The following CREBL2 variants were observed in gnomAD, a reference collection of about 807,000 sequenced individuals.
The protein encoded by CREBL2 is cAMP responsive element binding protein like 2, also known as cAMP-responsive element-binding protein-like 2.
CREBL2 carries 4 observed loss-of-function variants against 19.5 expected under a neutral mutation model. That is an observed-to-expected ratio of 0.20 (90% confidence interval 0.10 to 0.47). CREBL2 has a LOEUF of 0.47. Ranked by LOEUF, CREBL2 falls within the 20% of genes least tolerant of loss-of-function variation. The pLI is 0.98. For missense variants in CREBL2, 85 were observed against 145.1 expected (o/e 0.59, Z 2.13); for synonymous variants, 42 against 46.6 (o/e 0.90, Z 0.40).
intron 1 of CREBL2, among the ~76,000 whole-genome samples, chr12:12,625,433 C>T (rs1476469189): frequency 1.3e-5 from 2 of 152,234 alleles, no homozygotes; most frequent in African/African-American, 2.4e-5. Context: ...CACCCCTTAA[C>T]TGAGTGCCTA....
intron 1 of CREBL2, among the ~76,000 whole-genome samples, chr12:12,629,848 G>T (rs570533005): frequency 3.0e-4 from 46 of 151,944 alleles, no homozygotes; most frequent in African/African-American, 8.7e-4. Context: ...TCCTTTTTTT[G>T]TGTGTGTGTG....
intron 3 of CREBL2, among the ~76,000 whole-genome samples, chr12:12,641,253 A>ATTATTTTTTTTTT (rs1478394376): frequency 2.6e-5 from 2 of 78,262 alleles, no homozygotes; most frequent in African/African-American, 4.8e-5. Context: ...TATTATTATT[A>ATTATTTTTTTTTT]TTTTTTTTTA....
At position 12,642,860 on chromosome 12, in the gene CREBL2, T is replaced by C. The variant is rs1329536712; in HGVS notation, c.*862T>C. The stretch of plus-strand genomic sequence containing the variant: ...GTATGTTTCTTATTGTATGTCTATA[T>C]ATGTATGTGGGGAGGACAGGAGTGA... On this transcript the variant is annotated 3_prime_UTR_variant, in exon 4 of 4. Transcript: ENST00000228865. 1 of 152,666 alleles carries C rather than the reference T, an allele frequency of 6.6e-6. No individual in the cohort carries two copies. Among genetic ancestry groups the C allele is most frequent in the Non-Finnish European group, 1.5e-5 (1 of 68,034 alleles). The allele number at this position is 152,666 out of a possible 1,614,324, so 9.5% of individuals were successfully genotyped here. A position where few individuals can be genotyped will look rare whatever the true frequency, so the allele number is the denominator to read the frequency against.
chr12:12,620,242 C>CTTTT (rs67066272), intron 1 of CREBL2, among the ~76,000 whole-genome samples: 1 of 148,128 alleles, frequency 6.8e-6, no homozygotes, highest in African/African-American at 2.5e-5. Flanking sequence ...TTTTCTTTTT[C>CTTTT]TTTTTTTTTT....
At chr12:12,626,876 A>G (rs997327625) in intron 1 of CREBL2, among the ~76,000 whole-genome samples, 3 of 150,780 alleles carry the variant, frequency 2.0e-5, no homozygotes, top group African/African-American at 7.3e-5. Context: ...TTTCTTAAAA[A>G]AAAAAAGAAA....
rs536743749 is a variant in CREBL2, at chr12:12,636,459, C to T, written c.213+485C>T. Among the ~76,000 whole-genome samples the T allele has an allele frequency of 5.3e-5, 8 of 152,030 alleles. No individual in the cohort carries two copies. The Middle Eastern group carries it at 0.01, about 194-fold the overall frequency. On this transcript the variant is annotated intron_variant, in intron 2 of 3. Coordinates refer to ENST00000228865, the MANE Select transcript of CREBL2 (RefSeq NM_001310.4). ...TTTTTGAGATAGAGTCTTGCTCTGTCGCCCAGGCTGGAGTGCAGGGCGCGA... is the reference window on the plus strand; with the variant it reads ...TTTTTGAGATAGAGTCTTGCTCTGTTGCCCAGGCTGGAGTGCAGGGCGCGA...
At chr12:12,630,987 A>G (rs577057076) in intron 1 of CREBL2, among the ~76,000 whole-genome samples, 2 of 152,350 alleles carry the variant, frequency 1.3e-5, no homozygotes, top group East Asian at 3.9e-4. Flanking sequence ...TAAGAATTAT[A>G]TGACACAGTT....
rs1053054080 is a variant in CREBL2 at position 12,612,063 on chromosome 12, CA to C, written c.-109del. Reference sequence around the variant, plus strand: ...CGAACTGTTAGGCGAGAGGAGGAGGCAGCCAGAACCATATCCCCTTCTTCCT... The same window carrying C: ...CGAACTGTTAGGCGAGAGGAGGAGGCGCCAGAACCATATCCCCTTCTTCCT... On this transcript the variant is annotated 5_prime_UTR_variant, in exon 1 of 4. Transcript: ENST00000228865. 9.7e-6 allele frequency: 13 copies of C among 1,335,634 alleles called. 1 individual carries two copies. The African/African-American group carries it at 1.6e-4, about 16-fold the overall frequency. 82.7% of individuals were successfully genotyped at this position (1,335,634 alleles called of 1,614,324 possible). A position where few individuals can be genotyped will look rare whatever the true frequency, so the allele number is the denominator to read the frequency against.
chr12:12,616,673 G>T (rs550393862), intron 1 of CREBL2, among the ~76,000 whole-genome samples: 1 of 152,154 alleles, frequency 6.6e-6, no homozygotes, highest in African/African-American at 2.4e-5. Context: ...CCAGCCCTGC[G>T]TTTTCTGTGC....
At chr12:12,635,489 T>G (rs1455065171) in intron 1 of CREBL2, among the ~76,000 whole-genome samples, 3 of 152,128 alleles carry the variant, frequency 2.0e-5, no homozygotes, top group Non-Finnish European at 4.4e-5. Flanking sequence ...AAAGTTTTTA[T>G]TATCTCCATA....
intron 1 of CREBL2, among the ~76,000 whole-genome samples, chr12:12,618,578 C>T (rs1001317868): frequency 9.9e-5 from 15 of 152,078 alleles, no homozygotes; most frequent in African/African-American, 3.4e-4. Flanking sequence ...CTCCTCACAT[C>T]CCAGACGATG....
At chr12:12,634,060 T>A (rs1343461985) in intron 1 of CREBL2, among the ~76,000 whole-genome samples, 1 of 152,238 alleles carries the variant, frequency 6.6e-6, no homozygotes, top group Non-Finnish European at 1.5e-5. Flanking sequence ...ATTGGGAATT[T>A]AAAGAATAGT....
chr12:12,620,476 C>G (rs112625876), intron 1 of CREBL2, among the ~76,000 whole-genome samples: 1,747 of 152,184 alleles, frequency 0.011, 42 homozygotes, highest in African/African-American at 0.04. Context: ...GCAATCTGCC[C>G]GCCTCTGCCT....
chr12:12,627,875 A>G (rs918501000), intron 1 of CREBL2, among the ~76,000 whole-genome samples: 1 of 152,160 alleles, frequency 6.6e-6, no homozygotes, highest in Non-Finnish European at 1.5e-5. Flanking sequence ...CATCTGCACC[A>G]GTACTTGTTA....
intron 1 of CREBL2, among the ~76,000 whole-genome samples, chr12:12,622,311 G>C (rs893502062): frequency 6.6e-6 from 1 of 152,106 alleles, no homozygotes; most frequent in African/African-American, 2.4e-5. Context: ...CAGTTGATGC[G>C]GCGTGCATAA....
intron 1 of CREBL2, among the ~76,000 whole-genome samples, chr12:12,628,815 A>G (rs1366461157): frequency 2.0e-5 from 3 of 152,136 alleles, no homozygotes; most frequent in African/African-American, 7.2e-5. Flanking sequence ...CGAGGTAGTG[A>G]TCCAACTTAA....
intron 1 of CREBL2, among the ~76,000 whole-genome samples, chr12:12,629,821 G>T (rs1447561654): frequency 6.6e-6 from 1 of 152,124 alleles, no homozygotes; most frequent in Non-Finnish European, 1.5e-5. Context: ...ATGTGAAGAT[G>T]TTGAATTTCT....
chr12:12,621,199 A>C (rs1287367909), intron 1 of CREBL2, among the ~76,000 whole-genome samples: 1 of 152,220 alleles, frequency 6.6e-6, no homozygotes, highest in Admixed American at 6.5e-5. Context: ...ATGAATGGGC[A>C]TGGCTGTGTT....
chr12:12,619,503 A>C (rs1945343719), intron 1 of CREBL2, among the ~76,000 whole-genome samples: 1 of 152,098 alleles, frequency 6.6e-6, no homozygotes, highest in Non-Finnish European at 1.5e-5. Context: ...GCTACTCAGA[A>C]GGGAGGCTGA....
Sources: allele counts gnomAD v4.1 joint callset (sites outside exome capture counted in the v4.1 genomes callset), GRCh38; gene constraint gnomAD v4.1.1; transcripts MANE v1.5; gene names NCBI Gene and HGNC (gene_info 2026-07-23, HGNC 2026-07-21).